The following PLEKHA8 variants were observed in gnomAD, a reference collection of about 807,000 sequenced individuals.
The protein encoded by PLEKHA8 is pleckstrin homology domain-containing family A member 8.
PLEKHA8 carries 36 observed loss-of-function variants against 68.2 expected under a neutral mutation model. That is an observed-to-expected ratio of 0.53 (90% confidence interval 0.40 to 0.70). The LOEUF is 0.70. Ranked by LOEUF, PLEKHA8 falls within the 30% of genes least tolerant of loss-of-function variation. PLEKHA8 has a pLI of 0.00. For missense variants in PLEKHA8, 505 were observed against 615.4 expected, an observed-to-expected ratio of 0.82 and a Z score of 1.90; for synonymous variants, 211 against 216.1, an observed-to-expected ratio of 0.98 and a Z score of 0.20.
rs191613956 is a variant in PLEKHA8, at chr7:30,107,731, A to G, written c.1363-21535A>G. The stretch of plus-strand genomic sequence containing the variant: ...GCTAAATAAGTTGCTTTCTCCATCT[A>G]GTTTACTAGTGATATTAATTATGAA... On this transcript the variant is annotated intron_variant, in intron 13 of 13. Coordinates refer to the PLEKHA8 transcript ENST00000396257. 2.9e-3 allele frequency among the ~76,000 whole-genome samples: 441 copies of G among 152,258 alleles called. 3 individuals are homozygous for G. Among genetic ancestry groups the G allele is most frequent in the Non-Finnish European group, 4.6e-3 (310 of 68,000 alleles).
chr7:30,081,582 C>G lies in PLEKHA8; in HGVS notation c.*2795C>G. The G allele has an allele frequency of 1.0e-6, 1 of 985,210 alleles. No individual in the cohort carries two copies. The highest frequency in any genetic ancestry group is 1.2e-6 in the Non-Finnish European group (1 of 829,730). 61.0% of individuals were successfully genotyped at this position (985,210 alleles called of 1,614,324 possible). ...TAGCCCTCCAAGACTTCTGGGACAA[C>G]TAAATTTACTTTCACCATTACTGTG... On this transcript the variant is annotated 3_prime_UTR_variant, in exon 14 of 14. Transcript: ENST00000449726.
intron 13 of PLEKHA8, chr7:30,118,103 G>T (rs1335902919): frequency 3.1e-6 from 4 of 1,302,030 alleles, no homozygotes; most frequent in Non-Finnish European, 4.0e-6. Context: ...CTCTCCAGGG[G>T]ATCAGCCTGG....
chr7:30,091,551 A>G (rs1468932503), downstream of PLEKHA8, among the ~76,000 whole-genome samples: 1 of 152,000 alleles, frequency 6.6e-6, no homozygotes, highest in Non-Finnish European at 1.5e-5. Context: ...TCATCCAAAC[A>G]TTCCATTTTA....
intron 1 of PLEKHA8, among the ~76,000 whole-genome samples, chr7:30,029,432 A>C (rs1790482853): frequency 6.6e-6 from 1 of 152,194 alleles, no homozygotes; most frequent in African/African-American, 2.4e-5. Flanking sequence ...AATATTTGCA[A>C]CTTTCTTGCC....
intron 13 of PLEKHA8, among the ~76,000 whole-genome samples, chr7:30,128,091 A>ATTTTTTTTTTTTTT (rs35173428): frequency 3.3e-5 from 4 of 122,684 alleles, no homozygotes; most frequent in Non-Finnish European, 5.2e-5. Flanking sequence ...GTTTTACTGT[A>ATTTTTTTTTTTTTT]TTTTTTTTTT....
Position 30,055,351 on chromosome 7 carries a change from C to T in PLEKHA8, c.1039+9C>T, listed in dbSNP as rs1426298168. 1.2e-6 allele frequency: 2 copies of T among 1,610,342 alleles called. No homozygotes were observed. Among genetic ancestry groups the T allele is most frequent in the South Asian group, 2.2e-5 (2 of 91,014 alleles). ...TGTGGTTCCAGTATTAGGTAAGATT[C>T]CTGCAGTTGCCTTACATTCATTCAT... is the stretch of plus-strand genomic sequence containing the variant. On this transcript the variant is annotated intron_variant, in intron 9 of 13. Transcript: ENST00000449726.
downstream of PLEKHA8, chr7:30,084,785 T>C: frequency 2.6e-6 from 1 of 382,180 alleles, no homozygotes; most frequent in Non-Finnish European, 3.6e-6. Context: ...TTCATCCTCC[T>C]AATAACTCCA....
chr7:30,098,392 G>T (rs1191720261), intron 13 of PLEKHA8, among the ~76,000 whole-genome samples: 3 of 152,262 alleles, frequency 2.0e-5, no homozygotes, highest in African/African-American at 7.2e-5. Flanking sequence ...GGTTACTGCT[G>T]CCTTTTGTTT....
At chr7:30,045,698 G>T (rs190234006) in intron 2 of PLEKHA8, among the ~76,000 whole-genome samples, 234 of 142,580 alleles carry the variant, frequency 1.6e-3, no homozygotes, top group African/African-American at 5.5e-3. Flanking sequence ...AGTGGATGTG[G>T]GTGAAAGACT....
intron 13 of PLEKHA8, chr7:30,115,730 A>G (rs1796444334): frequency 8.3e-6 from 1 of 119,960 alleles, no homozygotes; most frequent in Non-Finnish European, 1.9e-5. Flanking sequence ...GCATGCATAC[A>G]CGTATACATG....
chr7:30,127,816 T>A (rs1178973386), intron 13 of PLEKHA8, among the ~76,000 whole-genome samples: 1 of 152,264 alleles, frequency 6.6e-6, no homozygotes, highest in Non-Finnish European at 1.5e-5. Context: ...CATCTATTTT[T>A]ACATTCATTT....
downstream of PLEKHA8, among the ~76,000 whole-genome samples, chr7:30,087,800 A>G (rs1360798982): frequency 1.3e-5 from 2 of 152,142 alleles, no homozygotes; most frequent in African/African-American, 2.4e-5. Flanking sequence ...CCCAGACTCA[A>G]CACATCTCTG....
chr7:30,115,516 A>G (rs191246487), intron 13 of PLEKHA8, among the ~76,000 whole-genome samples: 12 of 148,032 alleles, frequency 8.1e-5, no homozygotes, highest in Admixed American at 2.7e-4. Flanking sequence ...ATGTACACAT[A>G]CACGTATACA....
intron 13 of PLEKHA8, among the ~76,000 whole-genome samples, chr7:30,099,518 T>C (rs892613774): frequency 1.3e-5 from 2 of 152,216 alleles, no homozygotes; most frequent in Non-Finnish European, 2.9e-5. Flanking sequence ...GAAGTTCATG[T>C]ATAATGAATG....
intron 1 of PLEKHA8, 32 bp downstream of exon 1, chr7:30,028,834 G>A: frequency 2.4e-6 from 3 of 1,252,158 alleles, no homozygotes; most frequent in Non-Finnish European, 3.0e-6. Flanking sequence ...GGGGCGCGCC[G>A]GGGGCCGGTC....
At chr7:30,095,070 T>G (rs1385178404), downstream of PLEKHA8, among the ~76,000 whole-genome samples, 1 of 152,198 alleles carries the variant, frequency 6.6e-6, no homozygotes, top group African/African-American at 2.4e-5. Flanking sequence ...CAAATGGTAT[T>G]TCTAGTTCTA....
intron 13 of PLEKHA8, among the ~76,000 whole-genome samples, chr7:30,108,466 T>C (rs1045192025): frequency 6.6e-6 from 1 of 152,186 alleles, no homozygotes; most frequent in African/African-American, 2.4e-5. Context: ...TGGTAAACCT[T>C]CTGGGTTTAA....
At chr7:30,040,809 T>C (rs1791473531) in intron 1 of PLEKHA8, among the ~76,000 whole-genome samples, 1 of 152,204 alleles carries the variant, frequency 6.6e-6, no homozygotes, top group African/African-American at 2.4e-5. Flanking sequence ...AACTCTCCCC[T>C]GCTCATTGAA....
Position 30,081,701 on chromosome 7 carries a change from C to T in PLEKHA8, c.*2914C>T, listed in dbSNP as rs1179751711. On this transcript the variant is annotated 3_prime_UTR_variant, in exon 14 of 14. Coordinates refer to ENST00000449726, the MANE Select transcript of PLEKHA8 (RefSeq NM_001197026.2). ...TTTTAGGATTATTTTTCTAGCGTAA[C>T]CTTTAGAGAGAACTGGAAGAAAAAG... The T allele has an allele frequency of 1.0e-6, 1 of 985,158 alleles. No homozygotes were observed. Among genetic ancestry groups the T allele is most frequent in the Non-Finnish European group, 1.2e-6 (1 of 829,876 alleles). The allele number at this position is 985,158 out of a possible 1,614,324, so 61.0% of individuals were successfully genotyped here.
Sources: allele counts gnomAD v4.1 joint callset (sites outside exome capture counted in the v4.1 genomes callset), GRCh38; gene constraint gnomAD v4.1.1; transcripts MANE v1.5; gene names NCBI Gene and HGNC (gene_info 2026-07-23, HGNC 2026-07-21).